Variants in ZYG11B observed in about 807,000 individuals in gnomAD.
The protein encoded by ZYG11B is protein zyg-11 homolog B.
ZYG11B carries 36 observed loss-of-function variants against 82.4 expected under a neutral mutation model. That is an observed-to-expected ratio of 0.44 (90% CI 0.33 to 0.58). The LOEUF (loss-of-function observed/expected upper bound fraction) is 0.58, where lower values mean the gene tolerates loss of function less well. Ranked by LOEUF, ZYG11B falls within the 20% of genes least tolerant of loss-of-function variation. ZYG11B has a pLI of 0.02. For synonymous variants in ZYG11B, 303 were observed against 312.8 expected (o/e 0.97, Z 0.33); for missense variants, 552 against 895.6 (o/e 0.62, Z 4.90).
intron 1 of ZYG11B, among the ~76,000 whole-genome samples, chr1:52,737,911 G>A (rs528279793): frequency 3.5e-4 from 53 of 152,366 alleles, no homozygotes; most frequent in African/African-American, 1.3e-3. Flanking sequence ...AAGAGGTTGG[G>A]TAGGTGAGAA....
chr1:52,819,177 G>A (rs933259406), intron 13 of ZYG11B, among the ~76,000 whole-genome samples: 3 of 152,148 alleles, frequency 2.0e-5, no homozygotes, highest in Non-Finnish European at 1.5e-5. Context: ...TTCAATGAAT[G>A]GGATGTGACC....
intron 1 of ZYG11B, among the ~76,000 whole-genome samples, chr1:52,728,881 G>A (rs1013790565): frequency 2.0e-5 from 3 of 151,500 alleles, no homozygotes; most frequent in Non-Finnish European, 4.4e-5. Context: ...TTTTAAGAAA[G>A]AAAGTAGGAA....
At chr1:52,809,087 A>G (rs1413288544) in intron 10 of ZYG11B, among the ~76,000 whole-genome samples, 2 of 152,114 alleles carry the variant, frequency 1.3e-5, no homozygotes, top group Non-Finnish European at 2.9e-5. Flanking sequence ...TATTCTCCTC[A>G]TTATGAATTA....
chr1:52,764,863 G>T (rs1409051252), intron 2 of ZYG11B, among the ~76,000 whole-genome samples: 2 of 152,126 alleles, frequency 1.3e-5, no homozygotes, highest in Non-Finnish European at 2.9e-5. Flanking sequence ...TAACATAAAG[G>T]CGGGCTCCTC....
chr1:52,768,547 CTT>C (rs1030706430), intron 2 of ZYG11B, among the ~76,000 whole-genome samples: 10 of 151,638 alleles, frequency 6.6e-5, no homozygotes, highest in African/African-American at 1.9e-4. Flanking sequence ...ATCTTTAAGA[CTT>C]TGCTTATGTT....
At chr1:52,785,373 T>C (rs1644904735) in intron 5 of ZYG11B, among the ~76,000 whole-genome samples, 1 of 152,200 alleles carries the variant, frequency 6.6e-6, no homozygotes, top group Non-Finnish European at 1.5e-5. Context: ...GATACATAAA[T>C]GATTAAGACA....
At chr1:52,776,229 A>AAAAAAAAAATATATAAATATATAT in intron 3 of ZYG11B, among the ~76,000 whole-genome samples, 1 of 23,536 alleles carries the variant, frequency 4.2e-5, no homozygotes, top group Admixed American at 8.1e-4. Context: ...TAAAAAAAAA[A>AAAAAAAAAATATATAAATATATAT]ATATATATAT....
rs1355600128 is a variant in ZYG11B at position 52,803,243 on chromosome 1, C to T, written c.1695+1104C>T. ...ATATATACACACATATATATATACA[C>T]ACACACATATATATATATATATACA... is the stretch of plus-strand genomic sequence containing the variant. On this transcript the variant is annotated intron_variant, in intron 10 of 13. Transcript: ENST00000294353. Among the ~76,000 whole-genome samples the T allele has an allele frequency of 3.8e-3, 198 of 51,784 alleles. 9 individuals carry two copies. In the East Asian group the frequency reaches 0.044, roughly 11 times the overall value. 34.0% of individuals were successfully genotyped at this position (51,784 alleles called of 152,430 possible). A position where few individuals can be genotyped will look rare whatever the true frequency, so the allele number is the denominator to read the frequency against.
At chr1:52,732,956 A>G (rs1179627791) in intron 1 of ZYG11B, among the ~76,000 whole-genome samples, 1 of 152,190 alleles carries the variant, frequency 6.6e-6, no homozygotes, top group Non-Finnish European at 1.5e-5. Flanking sequence ...AGCCTGGGCA[A>G]AAAGAGTGAA....
intron 10 of ZYG11B, among the ~76,000 whole-genome samples, chr1:52,808,030 T>C (rs755237774): frequency 2.6e-5 from 4 of 152,348 alleles, no homozygotes; most frequent in African/African-American, 9.6e-5. Flanking sequence ...TTTGTACTTA[T>C]GTATGTACAC....
chr1:52,801,266 C>T (rs1051030972), intron 8 of ZYG11B, among the ~76,000 whole-genome samples: 39 of 151,936 alleles, frequency 2.6e-4, no homozygotes, highest in Admixed American at 9.8e-4. Context: ...TAGACTAATT[C>T]TTTTATTGTA....
At chr1:52,786,135 G>T (rs959624309) in intron 5 of ZYG11B, among the ~76,000 whole-genome samples, 3 of 152,166 alleles carry the variant, frequency 2.0e-5, no homozygotes, top group Non-Finnish European at 4.4e-5. Context: ...ATTTTAGAGA[G>T]GATCAATAAT....
chr1:52,795,674 G>A (rs556028095), intron 6 of ZYG11B, among the ~76,000 whole-genome samples: 6 of 152,196 alleles, frequency 3.9e-5, no homozygotes, highest in Middle Eastern at 3.4e-3. Context: ...GAGGCCTTCC[G>A]TAGCCACCCT....
At chr1:52,820,437 A>G (rs1313034555) in intron 13 of ZYG11B, among the ~76,000 whole-genome samples, 3 of 151,838 alleles carry the variant, frequency 2.0e-5, no homozygotes. Flanking sequence ...ACTTAAGGTC[A>G]GGAGTTTGAG....
At chr1:52,804,548 G>A (rs866633811) in intron 10 of ZYG11B, among the ~76,000 whole-genome samples, 1 of 152,220 alleles carries the variant, frequency 6.6e-6, no homozygotes, top group Middle Eastern at 3.4e-3. Flanking sequence ...GGGAGGTGGA[G>A]GTTGCTGTGA....
intron 1 of ZYG11B, among the ~76,000 whole-genome samples, chr1:52,727,983 T>C (rs926809963): frequency 6.6e-6 from 1 of 152,208 alleles, no homozygotes; most frequent in Non-Finnish European, 1.5e-5. Context: ...TATAAAATTA[T>C]TTAATCTATG....
chr1:52,783,882 A>ATGTACATCCACGTGTGTG (rs74208826), intron 4 of ZYG11B, among the ~76,000 whole-genome samples: 2 of 126,012 alleles, frequency 1.6e-5, no homozygotes, highest in African/African-American at 6.9e-5. Context: ...ACGTGTGTGT[A>ATGTACATCCACGTGTGTG]TATGTACATA....
chr1:52,803,087 CATATATATATACATAT>C (rs1384144085), intron 10 of ZYG11B, among the ~76,000 whole-genome samples: 2,954 of 22,534 alleles, frequency 0.13, 384 homozygotes, highest in African/African-American at 0.29. Context: ...TATATATACA[CATATATATATACATAT>C]ATATATATAT....
intron 8 of ZYG11B, among the ~76,000 whole-genome samples, chr1:52,801,260 CTA>C (rs1345967898): frequency 1.3e-5 from 2 of 152,062 alleles, no homozygotes; most frequent in Non-Finnish European, 2.9e-5. Flanking sequence ...TCAACATAGA[CTA>C]ATTCTTTTAT....
Sources: gnomAD v4.1 joint callset for allele counts (sites outside exome capture counted in the v4.1 genomes callset) on GRCh38, gnomAD v4.1.1 for gene constraint, MANE v1.5 for transcripts, NCBI Gene and HGNC (gene_info 2026-07-23, HGNC 2026-07-21) for gene names.